The following RIN2 variants were observed in gnomAD, a reference collection of about 807,000 sequenced individuals.
RIN2 encodes RAB5 interacting protein 2.
A neutral mutation model predicts 78.0 loss-of-function variants in RIN2; 36 were observed. The ratio of observed to expected loss-of-function variants is 0.46; its 90% CI spans 0.35 to 0.61. The LOEUF is 0.61. Among genes scored for constraint, RIN2 ranks in the 20% least tolerant of loss-of-function variants. The pLI, the probability that RIN2 is intolerant of heterozygous loss-of-function variation, is 0.00. For missense variants in RIN2, 1,087 were observed against 1,159.7 expected, an observed-to-expected ratio of 0.94 and a Z score of 0.91; for synonymous variants, 466 against 466.8, an observed-to-expected ratio of 1.00 and a Z score of 0.02.
chr20:19,917,347 A>G (rs1454427900), intron 3 of RIN2, among the ~76,000 whole-genome samples: 1 of 152,252 alleles, frequency 6.6e-6, no homozygotes, highest in East Asian at 1.9e-4. Flanking sequence ...GGCTGAGCCC[A>G]GGAGCTCCAG....
intron 2 of RIN2, among the ~76,000 whole-genome samples, chr20:19,842,936 A>C (rs1285957769): frequency 1.3e-5 from 2 of 152,142 alleles, no homozygotes; most frequent in South Asian, 4.2e-4. Context: ...ATATCAGTAT[A>C]AATTGGAGTT....
chr20:19,867,205 G>A (rs1263923572), intron 2 of RIN2, among the ~76,000 whole-genome samples: 1 of 151,788 alleles, frequency 6.6e-6, no homozygotes, highest in Non-Finnish European at 1.5e-5. Context: ...ATGCTCATGT[G>A]CACACACACA....
At position 19,974,615 on chromosome 20, in the gene RIN2, C is replaced by T. The variant is rs143019473; in HGVS notation, c.629-39C>T. On this transcript the variant is annotated intron_variant, in intron 8 of 12. Coordinates refer to ENST00000255006, the MANE Select transcript of RIN2 (RefSeq NM_018993.4). ...TTGTGAAGGAATGGTCTGAGTGTAC[C>T]GTATTTACATTCTTGTGTTCACTGA... The T allele has an allele frequency of 3.0e-3, 4,785 of 1,576,910 alleles. 24 individuals are homozygous for T. The highest frequency in any genetic ancestry group is 0.013 in the South Asian group (1,183 of 87,948).
At chr20:19,953,050 G>A (rs775978540) in intron 4 of RIN2, among the ~76,000 whole-genome samples, 9 of 152,192 alleles carry the variant, frequency 5.9e-5, no homozygotes, top group Non-Finnish European at 1.2e-4. Flanking sequence ...CAAACCCCAG[G>A]TGACTTTCAC....
intron 2 of RIN2, chr20:19,889,365 C>T (rs761077416): frequency 6.5e-6 from 8 of 1,227,042 alleles, no homozygotes; most frequent in East Asian, 3.3e-5. Flanking sequence ...GGTGGGCTGG[C>T]GAGGTGGGGC....
chr20:19,895,033 C>T (rs1188464071), intron 3 of RIN2, among the ~76,000 whole-genome samples: 1 of 152,088 alleles, frequency 6.6e-6, no homozygotes, highest in Non-Finnish European at 1.5e-5. Context: ...CTGCCTCCAG[C>T]CTTGCCCACC....
intron 2 of RIN2, among the ~76,000 whole-genome samples, chr20:19,884,850 C>T (rs2038130461): frequency 6.6e-6 from 1 of 152,168 alleles, no homozygotes; most frequent in Non-Finnish European, 1.5e-5. Context: ...TCCCTGGGAG[C>T]TGGTTAAGCG....
chr20:19,828,766 G>C (rs1186714683), intron 2 of RIN2, among the ~76,000 whole-genome samples: 1 of 152,138 alleles, frequency 6.6e-6, no homozygotes, highest in Non-Finnish European at 1.5e-5. Flanking sequence ...CCCATTCCCT[G>C]TGATCTTGCT....
chr20:19,977,089 T>TC (rs937733923), intron 9 of RIN2, among the ~76,000 whole-genome samples: 2 of 152,090 alleles, frequency 1.3e-5, no homozygotes, highest in African/African-American at 4.8e-5. Context: ...GCTGCCTTTT[T>TC]CCCCATCCCA....
intron 2 of RIN2, among the ~76,000 whole-genome samples, chr20:19,844,934 C>A (rs146996103): frequency 0.012 from 1,766 of 151,988 alleles, 11 homozygotes; most frequent in Non-Finnish European, 0.014. Context: ...CTCCCTGTGT[C>A]CATGTGTTCT....
chr20:19,913,932 G>T (rs2039577901), intron 3 of RIN2, among the ~76,000 whole-genome samples: 2 of 151,974 alleles, frequency 1.3e-5, no homozygotes, highest in Admixed American at 1.3e-4. Context: ...TTTTTCTCTT[G>T]CCCCGAATAA....
chr20:19,932,025 C>T (rs1049018749), intron 3 of RIN2, among the ~76,000 whole-genome samples: 2 of 152,164 alleles, frequency 1.3e-5, no homozygotes, highest in Non-Finnish European at 2.9e-5. Context: ...TAATATTCCT[C>T]CAGCAGTGTA....
chr20:19,794,221 A>G (rs1442043332), intron 1 of RIN2, among the ~76,000 whole-genome samples: 1 of 152,204 alleles, frequency 6.6e-6, no homozygotes, highest in African/African-American at 2.4e-5. Flanking sequence ...AGATTTCAAA[A>G]TGGCACCCAG....
intron 3 of RIN2, among the ~76,000 whole-genome samples, chr20:19,921,921 A>G (rs1403899313): frequency 6.6e-6 from 1 of 152,172 alleles, no homozygotes; most frequent in Non-Finnish European, 1.5e-5. Context: ...GCTGGAGTGC[A>G]GCGGCACAAT....
intron 2 of RIN2, among the ~76,000 whole-genome samples, chr20:19,820,451 C>T (rs1169654700): frequency 6.6e-6 from 1 of 152,132 alleles, no homozygotes; most frequent in African/African-American, 2.4e-5. Flanking sequence ...AAAACACAGA[C>T]AAAAAATAAT....
In RIN2 at chr20:19,900,500, G is replaced by A. The variant is rs181941321; in HGVS notation, c.57+10842G>A. Among the ~76,000 whole-genome samples, 15 of 149,470 alleles carry A rather than the reference G, an allele frequency of 1.0e-4. No individual in the cohort carries two copies. The East Asian group carries it at 1.4e-3, about 14-fold the overall frequency. ...AATAAAAAATAAAAAAATAAAAACC[G>A]TCCTAAAGTCAGGTACAGTGGCCCA... On this transcript the variant is annotated intron_variant, in intron 3 of 12. Coordinates refer to ENST00000255006, the MANE Select transcript of RIN2 (RefSeq NM_018993.4).
intron 5 of RIN2, among the ~76,000 whole-genome samples, chr20:19,957,065 G>A (rs1452394912): frequency 2.0e-5 from 3 of 152,168 alleles, no homozygotes; most frequent in African/African-American, 4.8e-5. Context: ...TCTGGGTAGC[G>A]AGTAGGGGCC....
At chr20:19,809,217 T>C (rs748804459) in intron 2 of RIN2, 1 of 152,334 alleles carries the variant, frequency 6.6e-6, no homozygotes, top group Non-Finnish European at 1.5e-5. Flanking sequence ...ATCTGAATGA[T>C]AGCAGTGACC....
rs537868455 is a variant in RIN2, at chr20:19,910,859, C to T, written c.57+21201C>T. ...CTGGGATTACAGGCGTGAGCCACAC[C>T]GCACCCAGCCAGGAAGTGAGTTTAT... On this transcript the variant is annotated intron_variant, in intron 3 of 12. Transcript: ENST00000255006. 4.0e-5 allele frequency among the ~76,000 whole-genome samples: 6 copies of T among 151,118 alleles called. No homozygotes were observed. In the South Asian group the frequency reaches 8.4e-4, roughly 21 times the overall value.
Sources: allele counts gnomAD v4.1 joint callset (sites outside exome capture counted in the v4.1 genomes callset), GRCh38; gene constraint gnomAD v4.1.1; transcripts MANE v1.5; gene names NCBI Gene and HGNC (gene_info 2026-07-23, HGNC 2026-07-21).